The following NPNT variants were observed in gnomAD, a reference collection of about 807,000 sequenced individuals.
The protein encoded by NPNT is preosteoblast EGF-like repeat protein with MAM domain.
NPNT carries 45 observed loss-of-function variants against 68.6 expected under a neutral mutation model. That is an observed-to-expected ratio of 0.66 (90% confidence interval 0.52 to 0.84). The LOEUF (loss-of-function observed/expected upper bound fraction) is 0.84, where lower values mean the gene tolerates loss of function less well. Among genes scored for constraint, NPNT ranks in the 40% least tolerant of loss-of-function variants. NPNT has a pLI of 0.00. For missense variants in NPNT, 672 were observed against 714.8 expected (o/e 0.94, Z 0.68); for synonymous variants, 233 against 253.3 (o/e 0.92, Z 0.76).
At chr4:105,956,958 A>G (rs139306770) in intron 8 of NPNT, among the ~76,000 whole-genome samples, 11 of 152,200 alleles carry the variant, frequency 7.2e-5, no homozygotes, top group African/African-American at 2.7e-4. Context: ...AACTTGTGCA[A>G]ACGTTCTGGG....
intron 10 of NPNT, among the ~76,000 whole-genome samples, chr4:105,966,374 ACT>A (rs1210796108): frequency 6.6e-6 from 1 of 151,968 alleles, no homozygotes; most frequent in African/African-American, 2.4e-5. Context: ...AGGGAAGAAA[ACT>A]CTGTAGCCCT....
intron 2 of NPNT, among the ~76,000 whole-genome samples, chr4:105,924,039 GC>G (rs35043121): frequency 0.052 from 7,340 of 140,388 alleles, 389 homozygotes; most frequent in African/African-American, 0.14. Context: ...CCTTTGCTGC[GC>G]CCCCCCCCCA....
chr4:105,941,551 C>T (rs1322595444), intron 7 of NPNT, among the ~76,000 whole-genome samples: 1 of 151,944 alleles, frequency 6.6e-6, no homozygotes, highest in Non-Finnish European at 1.5e-5. Flanking sequence ...TACTGAAAAC[C>T]ATGGTGCATA....
rs571050152 is a variant in NPNT at position 105,928,694 on chromosome 4, A to C, written c.265+1266A>C. Among the ~76,000 whole-genome samples, 51 of 152,064 alleles carry C rather than the reference A, an allele frequency of 3.4e-4. 1 individual carries two copies. In the South Asian group the frequency reaches 0.01, roughly 31 times the overall value. ...ATTAGGGTTAGATTTCACTAAATAG[A>C]TAAGTGTCAAAAATAAAAAAGATAA... On this transcript the variant is annotated intron_variant, in intron 3 of 11. Coordinates refer to ENST00000379987, the MANE Select transcript of NPNT (RefSeq NM_001033047.3).
chr4:105,898,423 T>C (rs1298243174), intron 2 of NPNT, among the ~76,000 whole-genome samples: 4 of 144,794 alleles, frequency 2.8e-5, no homozygotes, highest in Non-Finnish European at 6.0e-5. Context: ...GATAAGATAA[T>C]GAGTCTAGAC....
chr4:105,944,750 C>A (rs1200438877), intron 8 of NPNT, among the ~76,000 whole-genome samples: 1 of 152,208 alleles, frequency 6.6e-6, no homozygotes, highest in Admixed American at 6.5e-5. Context: ...TTAAATTCCA[C>A]TCTCATTTCA....
At chr4:105,911,486 T>A (rs1727359292) in intron 2 of NPNT, among the ~76,000 whole-genome samples, 2 of 152,136 alleles carry the variant, frequency 1.3e-5, no homozygotes, top group Non-Finnish European at 2.9e-5. Context: ...TTCTTACCTC[T>A]AAAATCTCTA....
chr4:105,916,922 A>G (rs1727865987), intron 2 of NPNT, among the ~76,000 whole-genome samples: 1 of 152,194 alleles, frequency 6.6e-6, no homozygotes, highest in South Asian at 2.1e-4. Flanking sequence ...AATCTTAATA[A>G]ACATATTGTG....
In NPNT at chr4:105,969,052, T is replaced by A; in HGVS notation, c.*62T>A. The A allele has an allele frequency of 1.9e-6, 2 of 1,030,976 alleles. No homozygotes were observed. The highest frequency in any genetic ancestry group is 2.8e-5 in the South Asian group (2 of 71,298). 63.9% of individuals were successfully genotyped at this position (1,030,976 alleles called of 1,614,324 possible). A position where few individuals can be genotyped will look rare whatever the true frequency, so the allele number is the denominator to read the frequency against. ...TATCCTCTTTTTCCAATTCTCATCT[T>A]CTCTCCTCTTCTCCCTTTTATCAGG... is the stretch of plus-strand genomic sequence containing the variant. On this transcript the variant is annotated 3_prime_UTR_variant, in exon 12 of 12. Transcript: ENST00000379987.
chr4:105,932,436 A>G (rs940073798), intron 3 of NPNT, among the ~76,000 whole-genome samples: 1 of 152,228 alleles, frequency 6.6e-6, no homozygotes, highest in Non-Finnish European at 1.5e-5. Flanking sequence ...TTTTAAGAAA[A>G]TTAAAGGAAA....
chr4:105,898,328 G>GTGTCTCTC (rs1726082505), intron 2 of NPNT, among the ~76,000 whole-genome samples: 2 of 53,936 alleles, frequency 3.7e-5, no homozygotes, highest in South Asian at 1.7e-3. Context: ...CTCTCTCTCT[G>GTGTCTCTC]TCTCTCTCTC....
chr4:105,933,822 C>A (rs1409476477), intron 3 of NPNT, among the ~76,000 whole-genome samples: 2 of 152,160 alleles, frequency 1.3e-5, no homozygotes, highest in African/African-American at 4.8e-5. Flanking sequence ...CTTCTCCCAT[C>A]CAAGCTCCTG....
chr4:105,932,221 AC>A (rs11342669), intron 3 of NPNT, among the ~76,000 whole-genome samples: 131,965 of 152,008 alleles, frequency 0.87, 57,876 homozygotes, highest in East Asian at 1. Context: ...GTCGTTTACA[AC>A]TTCAGTGTCC....
At chr4:105,917,159 G>A (rs1727886359) in intron 2 of NPNT, among the ~76,000 whole-genome samples, 1 of 152,156 alleles carries the variant, frequency 6.6e-6, no homozygotes, top group Non-Finnish European at 1.5e-5. Flanking sequence ...AGCCTTTTCA[G>A]GCTGACATTG....
At chr4:105,922,389 ATTT>A (rs34610550) in intron 2 of NPNT, among the ~76,000 whole-genome samples, 1,463 of 139,382 alleles carry the variant, frequency 0.01, 5 homozygotes, top group South Asian at 0.015. Context: ...TAAGATGGAT[ATTT>A]TTTTTTTTTT....
intron 1 of NPNT, among the ~76,000 whole-genome samples, chr4:105,897,021 GATATGC>G (rs1725916395): frequency 6.6e-6 from 1 of 152,196 alleles, no homozygotes; most frequent in Admixed American, 6.5e-5. Context: ...CCCATCACAA[GATATGC>G]ATATGATGTG....
chr4:105,912,234 C>T, intron 2 of NPNT: 1 of 1,530,930 alleles, frequency 6.5e-7, no homozygotes, highest in Non-Finnish European at 8.8e-7. Flanking sequence ...GGTGCCAGCT[C>T]AAAGGTTAGA....
intron 8 of NPNT, among the ~76,000 whole-genome samples, chr4:105,947,408 C>A (rs905435540): frequency 6.6e-6 from 1 of 152,198 alleles, no homozygotes; most frequent in Non-Finnish European, 1.5e-5. Context: ...TATTTGGGAA[C>A]TGATAAATGT....
At chr4:105,940,261 G>T (rs1023486248) in intron 6 of NPNT, 52 bp downstream of exon 6, 7 of 1,575,822 alleles carry the variant, frequency 4.4e-6, no homozygotes, top group East Asian at 2.2e-5. Flanking sequence ...AGCACTGAAA[G>T]GTCTCGTAAT....
Sources: gnomAD v4.1 joint callset for allele counts (sites outside exome capture counted in the v4.1 genomes callset) on GRCh38, gnomAD v4.1.1 for gene constraint, MANE v1.5 for transcripts, NCBI Gene and HGNC (gene_info 2026-07-23, HGNC 2026-07-21) for gene names.